Variants in NRCAM observed in about 807,000 individuals in gnomAD.
NRCAM encodes neuronal cell adhesion molecule, also known as NgCAM-related cell adhesion molecule.
NRCAM carries 83 observed loss-of-function variants against 156.5 expected under a neutral mutation model. That is an observed-to-expected ratio of 0.53 (90% CI 0.44 to 0.64). The LOEUF (loss-of-function observed/expected upper bound fraction) is 0.64, where lower values mean the gene tolerates loss of function less well. Ranked by LOEUF, NRCAM falls within the 30% of genes least tolerant of loss-of-function variation. The pLI, the probability that NRCAM is intolerant of heterozygous loss-of-function variation, is 0.00. For missense variants in NRCAM, 1,417 were observed against 1,597.3 expected, an observed-to-expected ratio of 0.89 and a Z score of 1.92; for synonymous variants, 538 against 563.9, an observed-to-expected ratio of 0.95 and a Z score of 0.65.
In NRCAM at chr7:108,334,570, T is replaced by C. The variant is rs116541361; in HGVS notation, c.-173-21839A>G. Among the ~76,000 whole-genome samples the C allele has an allele frequency of 3.1e-3, 474 of 152,268 alleles. 2 individuals are homozygous for C. Among genetic ancestry groups the C allele is most frequent in the African/African-American group, 0.01 (435 of 41,542 alleles). On this transcript the variant is annotated intron_variant, in intron 2 of 32. Coordinates refer to ENST00000379028, the MANE Select transcript of NRCAM (RefSeq NM_001037132.4). The stretch of plus-strand genomic sequence containing the variant: ...TGAATGTGTTCCTCACTCCTCTCCC[T>C]CTGTTCAAATCCCTCTCTTTCTTCA...
intron 3 of NRCAM, among the ~76,000 whole-genome samples, chr7:108,252,865 A>C (rs1482719118): frequency 6.6e-6 from 1 of 152,248 alleles, no homozygotes; most frequent in East Asian, 1.9e-4. Context: ...AATTTTGCCC[A>C]AGATGGGGAA....
chr7:108,384,994 T>C (rs1272435071), intron 2 of NRCAM, among the ~76,000 whole-genome samples: 8 of 152,210 alleles, frequency 5.3e-5, no homozygotes, highest in Non-Finnish European at 1.2e-4. Flanking sequence ...ATCACCATCA[T>C]GTAAAATAAG....
At position 108,208,139 on chromosome 7, in the gene NRCAM, CAAAAA is replaced by C. The variant is rs10616664; in HGVS notation, c.1076-485_1076-481del. Among the ~76,000 whole-genome samples the C allele has an allele frequency of 5.0e-3, 697 of 140,452 alleles. 11 individuals are homozygous for C. The highest frequency in any genetic ancestry group is 0.018 in the African/African-American group (672 of 38,160). 92.1% of individuals were successfully genotyped at this position (140,452 alleles called of 152,430 possible). On this transcript the variant is annotated intron_variant, in intron 12 of 32. Coordinates refer to ENST00000379028, the MANE Select transcript of NRCAM (RefSeq NM_001037132.4). The stretch of plus-strand genomic sequence containing the variant: ...TAAAACCCTGTTGCTATTAAAAATA[CAAAAA>C]AAAAAAAAAAAATTAGCCAGGTGTG...
At chr7:108,299,126 G>GAAAGAAGAAAAA (rs2098530640) in intron 3 of NRCAM, among the ~76,000 whole-genome samples, 1 of 62,304 alleles carries the variant, frequency 1.6e-5, no homozygotes, top group Non-Finnish European at 3.3e-5. Context: ...AAGAAAGAAA[G>GAAAGAAGAAAAA]AAAGAAAGAA....
At chr7:108,249,199 T>G (rs901682982) in intron 3 of NRCAM, among the ~76,000 whole-genome samples, 1 of 152,188 alleles carries the variant, frequency 6.6e-6, no homozygotes, top group African/African-American at 2.4e-5. Flanking sequence ...AAATATATTT[T>G]GCCAAGGTAT....
intron 11 of NRCAM, among the ~76,000 whole-genome samples, chr7:108,213,805 AG>A (rs1421719055): frequency 2.0e-5 from 3 of 152,178 alleles, no homozygotes; most frequent in African/African-American, 7.2e-5. Flanking sequence ...TTTAGCATGA[AG>A]GGCTGTTGAA....
chr7:108,212,692 A>G (rs751437190), intron 11 of NRCAM, among the ~76,000 whole-genome samples: 45 of 152,172 alleles, frequency 3.0e-4, no homozygotes, highest in Non-Finnish European at 4.6e-4. Flanking sequence ...CAATCCAACA[A>G]ATACAAAGAG....
Position 108,195,850 on chromosome 7 carries a change from T to A in NRCAM, c.1374A>T (p.Thr458=). 4 of 1,612,800 alleles carry A rather than the reference T, an allele frequency of 2.5e-6. No individual in the cohort carries two copies. Among genetic ancestry groups the A allele is most frequent in the Non-Finnish European group, 2.5e-6 (3 of 1,178,958 alleles). The change falls in exon 15 of 33, where the codon ACA becomes ACT. Residue 458 remains threonine, a synonymous_variant. Coordinates refer to ENST00000379028, the MANE Select transcript of NRCAM (RefSeq NM_001037132.4). ...NVLAEPPRIL[T]PANTLYQVIA... ...TGACCTGGTAGAGTGTGTTTGCAGG[T>A]GTGAGGATTCGTGGTGGCTCAGCTA...
rs192966375 is a variant in NRCAM, at chr7:108,244,560, C to T, written c.-106-4390G>A. Among the ~76,000 whole-genome samples the T allele has an allele frequency of 2.4e-3, 368 of 152,218 alleles. 3 individuals are homozygous for T. The highest frequency in any genetic ancestry group is 7.9e-3 in the African/African-American group (326 of 41,520). On this transcript the variant is annotated intron_variant, in intron 3 of 32. Coordinates refer to ENST00000379028, the MANE Select transcript of NRCAM (RefSeq NM_001037132.4). ...AAGGTTAGAGAGAAATGGACAATGA[C>T]GACTAATAATTAACACATCAACAGA...
intron 1 of NRCAM, among the ~76,000 whole-genome samples, chr7:108,432,482 T>TA (rs763127890): frequency 1.2e-4 from 18 of 152,190 alleles, no homozygotes; most frequent in Non-Finnish European, 2.4e-4. Flanking sequence ...CTCAAAGTTA[T>TA]AAAAAACCCA....
chr7:108,295,870 G>A (rs2098444191), intron 3 of NRCAM, among the ~76,000 whole-genome samples: 1 of 152,204 alleles, frequency 6.6e-6, no homozygotes, highest in Non-Finnish European at 1.5e-5. Context: ...CAGAGCCTCT[G>A]CAGGGCACAG....
At chr7:108,439,824 C>A (rs2154479741) in intron 1 of NRCAM, among the ~76,000 whole-genome samples, 1 of 120,032 alleles carries the variant, frequency 8.3e-6, no homozygotes. Flanking sequence ...CAGAGCAAGA[C>A]TCCGTCACAA....
rs191709335 is a variant in NRCAM, at chr7:108,337,070, G to A, written c.-173-24339C>T. Among the ~76,000 whole-genome samples, 61 of 152,170 alleles carry A rather than the reference G, an allele frequency of 4.0e-4. 1 individual carries two copies. The highest frequency in any genetic ancestry group is 3.4e-3 in the Middle Eastern group (1 of 294). On this transcript the variant is annotated intron_variant, in intron 2 of 32. Coordinates refer to ENST00000379028, the MANE Select transcript of NRCAM (RefSeq NM_001037132.4). ...GCTTGAGGCCAGGAATTCAAGACCAGCTGGCCAACATGGTGAAACCCCATC... is the reference window on the plus strand; with the variant it reads ...GCTTGAGGCCAGGAATTCAAGACCAACTGGCCAACATGGTGAAACCCCATC...
rs575184178 is a variant in NRCAM at position 108,292,661 on chromosome 7, C to T, written c.-107+20004G>A. Among the ~76,000 whole-genome samples the T allele has an allele frequency of 2.6e-5, 4 of 152,248 alleles. No homozygotes were observed. The East Asian group carries it at 7.7e-4, about 29-fold the overall frequency. On this transcript the variant is annotated intron_variant, in intron 3 of 32. Coordinates refer to ENST00000379028, the MANE Select transcript of NRCAM (RefSeq NM_001037132.4). Reference sequence around the variant, plus strand: ...CCCAGCTCCTCACTTACTAACTGACCTTATGCAAGTTACTTAAGGTCTGTA... The same window carrying T: ...CCCAGCTCCTCACTTACTAACTGACTTTATGCAAGTTACTTAAGGTCTGTA...
At chr7:108,172,714 C>A (rs756895110) in intron 28 of NRCAM, among the ~76,000 whole-genome samples, 2 of 152,084 alleles carry the variant, frequency 1.3e-5, no homozygotes, top group African/African-American at 4.8e-5. Context: ...AAAGGTCTCG[C>A]GTATGTAATT....
chr7:108,367,081 C>T (rs572668419), intron 2 of NRCAM, among the ~76,000 whole-genome samples: 4 of 152,128 alleles, frequency 2.6e-5, no homozygotes, highest in Non-Finnish European at 4.4e-5. Flanking sequence ...CAGTCTGCTA[C>T]TTTGATTAGA....
chr7:108,420,237 T>A (rs1484203712), intron 1 of NRCAM, among the ~76,000 whole-genome samples: 1 of 152,132 alleles, frequency 6.6e-6, no homozygotes, highest in Non-Finnish European at 1.5e-5. Flanking sequence ...AATATCTCTT[T>A]AGTAGATATT....
intron 2 of NRCAM, among the ~76,000 whole-genome samples, chr7:108,340,688 A>G (rs2099266330): frequency 6.6e-6 from 1 of 152,208 alleles, no homozygotes; most frequent in South Asian, 2.1e-4. Context: ...ACTAGGAAAA[A>G]GCCCATGAAT....
chr7:108,301,812 G>T (rs1409741604), intron 3 of NRCAM, among the ~76,000 whole-genome samples: 3 of 151,954 alleles, frequency 2.0e-5, no homozygotes, highest in Non-Finnish European at 4.4e-5. Flanking sequence ...GTATGATTTG[G>T]TGCATTCATT....
Sources: gnomAD v4.1 joint callset for allele counts (sites outside exome capture counted in the v4.1 genomes callset) on GRCh38, gnomAD v4.1.1 for gene constraint, MANE v1.5 for transcripts, NCBI Gene and HGNC (gene_info 2026-07-23, HGNC 2026-07-21) for gene names.